CYP24A1: variants seen among roughly 807,000 people sequenced by gnomAD.
CYP24A1 encodes the protein 1,25-dihydroxyvitamin D(3) 24-hydroxylase, mitochondrial.
In CYP24A1, 68 loss-of-function variants were observed where a neutral mutation model predicts 62.4. That is an observed-to-expected ratio of 1.09 (90% CI 0.90 to 1.33). CYP24A1 has a LOEUF of 1.33. Ranked by LOEUF, CYP24A1 falls within the 40% of genes most tolerant of loss-of-function variation. The pLI, the probability that CYP24A1 is intolerant of heterozygous loss-of-function variation, is 0.00. For synonymous variants in CYP24A1, 267 were observed against 253.0 expected, an observed-to-expected ratio of 1.06 and a Z score of -0.52; for missense variants, 787 against 653.0, an observed-to-expected ratio of 1.21 and a Z score of -2.24.
Position 54,173,120 on chromosome 20 carries a change from C to T in CYP24A1, c.259-21G>A. ...TCCACCTGCAGCCGGCCGGGCACAG[C>T]GCGGTGTCAGCGCGCATCCTCCGCC... On this transcript the variant is annotated intron_variant, in intron 1 of 11. Coordinates refer to ENST00000216862, the MANE Select transcript of CYP24A1 (RefSeq NM_000782.5). The surrounding 1 kb of genome is among the most constrained non-coding windows in gnomAD (Gnocchi z 7.2). 1.2e-6 allele frequency: 2 copies of T among 1,600,488 alleles called. No homozygotes were observed. Among genetic ancestry groups the T allele is most frequent in the East Asian group, 2.2e-5 (1 of 44,876 alleles).
the CYP24A1 span, among the ~76,000 whole-genome samples, chr20:54,148,197 T>C: frequency 2.0e-5 from 3 of 151,860 alleles, no homozygotes; most frequent in African/African-American, 7.3e-5. Context: ...CTTTTTTTTT[T>C]TGAGATGGAG....
intron 3 of CYP24A1, among the ~76,000 whole-genome samples, chr20:54,170,089 C>T (rs2092688921): frequency 6.6e-6 from 1 of 152,142 alleles, no homozygotes; most frequent in Non-Finnish European, 1.5e-5. Context: ...GTGTGCCCTT[C>T]CACATCTGGG....
chr20:54,144,385 G>A, the CYP24A1 span, among the ~76,000 whole-genome samples: 6 of 151,356 alleles, frequency 4.0e-5, no homozygotes, highest in African/African-American at 1.5e-4. Context: ...TAGTAGTTGC[G>A]ACCACAGGTG....
At chr20:54,156,751 C>T (rs533265961) in intron 11 of CYP24A1, among the ~76,000 whole-genome samples, 8 of 152,254 alleles carry the variant, frequency 5.3e-5, no homozygotes, top group South Asian at 4.1e-4. Flanking sequence ...TTACAAATTG[C>T]CTGTGGCTGC....
At position 54,162,734 on chromosome 20, in the gene CYP24A1, GC is replaced by G; in HGVS notation, c.972del (p.Gln324HisfsTer12). The G allele has an allele frequency of 6.2e-7, 1 of 1,602,454 alleles. No individual in the cohort carries two copies. Among genetic ancestry groups the G allele is most frequent in the Non-Finnish European group, 8.5e-7 (1 of 1,169,654 alleles). ...ACCCTTACCGTTTCCACCGCAGCCAGCTGGAGCTCTGTGACAGCAGCATACA... is the reference window on the plus strand; with the variant it reads ...ACCCTTACCGTTTCCACCGCAGCCAGTGGAGCTCTGTGACAGCAGCATACA... ...KELYAAVTEL[Q>X]LAAVETTANS... On this transcript the variant is annotated frameshift_variant, in exon 7 of 12. Transcript: ENST00000216862. LOFTEE classifies it high-confidence loss of function.
intron 7 of CYP24A1, among the ~76,000 whole-genome samples, chr20:54,162,220 C>CTTTTGTTTTTT (rs1568968780): frequency 2.8e-5 from 2 of 72,550 alleles, no homozygotes; most frequent in Non-Finnish European, 2.4e-5. Flanking sequence ...GAGAGTATGC[C>CTTTTGTTTTTT]TTTTTTTTTT....
intron 6 of CYP24A1, among the ~76,000 whole-genome samples, chr20:54,163,718 A>G (rs972498263): frequency 2.6e-5 from 4 of 152,230 alleles, no homozygotes; most frequent in Admixed American, 6.5e-5. Context: ...GATCTAGTCC[A>G]CGGAGATACT....
At chr20:54,150,548 A>G (rs2092611037), downstream of CYP24A1, among the ~76,000 whole-genome samples, 1 of 152,010 alleles carries the variant, frequency 6.6e-6, no homozygotes, top group South Asian at 2.1e-4. Flanking sequence ...CTGGTCTCGA[A>G]CCCCTGACCT....
chr20:54,143,561 A>AT, the CYP24A1 span, among the ~76,000 whole-genome samples: 1 of 152,070 alleles, frequency 6.6e-6, no homozygotes, highest in East Asian at 1.9e-4. Context: ...TTAATTTATT[A>AT]TTTTTTATTT....
chr20:54,153,139 G>C (rs537751402), downstream of CYP24A1, among the ~76,000 whole-genome samples: 1 of 152,122 alleles, frequency 6.6e-6, no homozygotes, highest in Non-Finnish European at 1.5e-5. Context: ...GAGAGAACAG[G>C]CTCCCAGGCC....
chr20:54,162,826 G>T lies in CYP24A1; in HGVS notation c.881C>A (p.Ser294Tyr). ...ACIDNRLEKY[S>Y]QQPSADFLCD... is the part of the protein sequence containing the mutation. ...AAGGAAATCTGCACTAGGCTGCTGA[G>T]AATACTTCTCTAACCGGTTGTCGAT... The change falls in exon 7 of 12, where the codon TCT (serine) becomes TAT (tyrosine). Residue 294 changes from serine to tyrosine, a missense_variant. Ser to Tyr is a moderately radical substitution (Grantham distance 144, BLOSUM62 -2). Coordinates refer to ENST00000216862, the MANE Select transcript of CYP24A1 (RefSeq NM_000782.5). 6.4e-7 allele frequency: 1 copy of T among 1,563,156 alleles called. No homozygotes were observed. Among genetic ancestry groups the T allele is most frequent in the Non-Finnish European group, 8.8e-7 (1 of 1,133,668 alleles).
chr20:54,162,220 CTTTTTTTTTTTTTTTTT>C (rs530338632), intron 7 of CYP24A1, among the ~76,000 whole-genome samples: 3,560 of 72,870 alleles, frequency 0.049, 124 homozygotes, highest in Middle Eastern at 0.12. Context: ...GAGAGTATGC[CTTTTTTTTTTTTTTTTT>C]TTTTTTTTTT....
At chr20:54,153,203 A>G (rs1356198748), downstream of CYP24A1, among the ~76,000 whole-genome samples, 2 of 152,102 alleles carry the variant, frequency 1.3e-5, no homozygotes. Context: ...GTGTGATTGG[A>G]AAGGGGGTAG....
At position 54,172,899 on chromosome 20, in the gene CYP24A1, T is replaced by C. The variant is rs780236119; in HGVS notation, c.449+10A>G. On this transcript the variant is annotated intron_variant, in intron 2 of 11. Coordinates refer to ENST00000216862, the MANE Select transcript of CYP24A1 (RefSeq NM_000782.5). ...TGGCCGCATGCCCAGGTCCCTCGGA[T>C]TGGACTCACAGGATCAGCAGCCCGT... 2 of 1,613,548 alleles carry C rather than the reference T, an allele frequency of 1.2e-6. No individual in the cohort carries two copies. Among genetic ancestry groups the C allele is most frequent in the South Asian group, 1.1e-5 (1 of 91,092 alleles).
At chr20:54,172,761 C>T (rs1267603016) in intron 2 of CYP24A1, 148 bp downstream of exon 2, 7 of 1,512,240 alleles carry the variant, frequency 4.6e-6, no homozygotes, top group Non-Finnish European at 6.2e-6. Context: ...CTCAGGGTTG[C>T]GATGGCACGG....
At chr20:54,170,374 C>G (rs895160085) in intron 3 of CYP24A1, among the ~76,000 whole-genome samples, 6 of 152,044 alleles carry the variant, frequency 3.9e-5, no homozygotes, top group African/African-American at 1.5e-4. Flanking sequence ...TACTCATTTC[C>G]CATGTAGTAG....
At chr20:54,157,649 T>C in intron 9 of CYP24A1, 64 bp from the exon 10 acceptor site, 1 of 943,070 alleles carries the variant, frequency 1.1e-6, no homozygotes, top group Non-Finnish European at 1.7e-6. Context: ...ATGGCAAAAT[T>C]GACACAAGTT....
chr20:54,161,410 T>A (rs2762936), intron 7 of CYP24A1, among the ~76,000 whole-genome samples: 40,551 of 151,952 alleles, frequency 0.27, 5,907 homozygotes, highest in South Asian at 0.41. Flanking sequence ...CCACATTTGT[T>A]TGTTTACATG....
chr20:54,170,923 G>T (rs1249258272), intron 3 of CYP24A1, among the ~76,000 whole-genome samples: 1 of 152,166 alleles, frequency 6.6e-6, no homozygotes, highest in Non-Finnish European at 1.5e-5. Flanking sequence ...CTCCGTGCTG[G>T]CTAAGGGATA....
Sources: gnomAD v4.1 joint callset for allele counts (sites outside exome capture counted in the v4.1 genomes callset) on GRCh38, gnomAD v4.1.1 for gene constraint, Gnocchi (gnomAD v3.1) non-coding constraint, MANE v1.5 for transcripts, NCBI Gene and HGNC (gene_info 2026-07-23, HGNC 2026-07-21) for gene names.